The following DOCK3 variants were observed in gnomAD, a reference collection of about 807,000 sequenced individuals.
The protein encoded by DOCK3 is dedicator of cytokinesis protein 3.
A neutral mutation model predicts 265.6 loss-of-function variants in DOCK3; 60 were observed. That is an observed-to-expected ratio of 0.23 (90% CI 0.18 to 0.28). DOCK3 has a LOEUF of 0.28. Ranked by LOEUF, DOCK3 falls within the 10% of genes least tolerant of loss-of-function variation. DOCK3 has a pLI of 1.00. For synonymous variants in DOCK3, 881 were observed against 938.0 expected (o/e 0.94, Z 1.11); for missense variants, 1,981 against 2,594.3 (o/e 0.76, Z 5.14).
chr3:50,818,579 C>T (rs754677680), intron 2 of DOCK3, among the ~76,000 whole-genome samples: 1 of 152,082 alleles, frequency 6.6e-6, no homozygotes, highest in African/African-American at 2.4e-5. Flanking sequence ...TATATGAAGA[C>T]ATATTTATAT....
intron 3 of DOCK3, among the ~76,000 whole-genome samples, chr3:50,879,706 A>G (rs936511953): frequency 6.6e-6 from 1 of 152,202 alleles, no homozygotes; most frequent in Non-Finnish European, 1.5e-5. Flanking sequence ...CCCACTGTCA[A>G]CATTAGACAG....
chr3:51,106,420 CT>C (rs1447869163), intron 9 of DOCK3, among the ~76,000 whole-genome samples: 1 of 152,232 alleles, frequency 6.6e-6, no homozygotes, highest in East Asian at 1.9e-4. Context: ...GCCACTTTGC[CT>C]GCACACACGT....
At chr3:51,109,350 G>A (rs4927982) in intron 9 of DOCK3, among the ~76,000 whole-genome samples, 137,182 of 152,214 alleles carry the variant, frequency 0.9, 62,007 homozygotes, top group African/African-American at 0.95. Flanking sequence ...AACATATGAG[G>A]ATCTCTGGAA....
At chr3:51,203,237 T>G (rs2088934130) in intron 12 of DOCK3, among the ~76,000 whole-genome samples, 1 of 152,158 alleles carries the variant, frequency 6.6e-6, no homozygotes, top group South Asian at 2.1e-4. Context: ...TGTCCCTGTT[T>G]GCAGATGACA....
At chr3:51,244,360 CTA>C (rs1448019150) in intron 21 of DOCK3, among the ~76,000 whole-genome samples, 1 of 152,042 alleles carries the variant, frequency 6.6e-6, no homozygotes, top group African/African-American at 2.4e-5. Flanking sequence ...CCATTTATTG[CTA>C]TCTTTTATTT....
Position 50,783,594 on chromosome 3 carries a change from A to C in DOCK3, c.121+4836A>C, listed in dbSNP as rs556915469. Among the ~76,000 whole-genome samples, 6 of 151,972 alleles carry C rather than the reference A, an allele frequency of 3.9e-5. No individual in the cohort carries two copies. In the East Asian group the frequency reaches 1.2e-3, roughly 29 times the overall value. The stretch of plus-strand genomic sequence containing the variant: ...TGTTTCACTTCCTTGTAGATTCTGG[A>C]TATTAGTCCTTCGTTAGATGCATAG... On this transcript the variant is annotated intron_variant, in intron 2 of 52. Transcript: ENST00000266037.
intron 35 of DOCK3, 97 bp from the exon 36 acceptor site, chr3:51,338,262 G>A: frequency 4.4e-6 from 6 of 1,363,864 alleles, no homozygotes; most frequent in Non-Finnish European, 6.1e-6. Flanking sequence ...CTCAATCTGG[G>A]ATTTGGTCAT....
chr3:51,361,718 TG>T lies in DOCK3; in HGVS notation c.5007-138del. ...GCTCAGGACTGCTCCAGGCCTCAGA[TG>T]GGTATGAGCATTGACTATGGAACCC... On this transcript the variant is annotated intron_variant, in intron 47 of 52. Coordinates refer to ENST00000266037, the MANE Select transcript of DOCK3 (RefSeq NM_004947.5). This position sits in a 1 kb window ranked among gnomAD's most constrained non-coding sequence, Gnocchi z 4.2. 1 of 1,140,864 alleles carries T rather than the reference TG, an allele frequency of 8.8e-7. No homozygotes were observed. The highest frequency in any genetic ancestry group is 1.2e-6 in the Non-Finnish European group (1 of 820,114). 70.7% of individuals were successfully genotyped at this position (1,140,864 alleles called of 1,614,324 possible).
At chr3:51,145,445 G>T (rs181291716) in intron 9 of DOCK3, among the ~76,000 whole-genome samples, 1 of 152,078 alleles carries the variant, frequency 6.6e-6, no homozygotes, top group African/African-American at 2.4e-5. Context: ...TGTTCTCATT[G>T]TTCTATTCCC....
chr3:51,274,025 T>G (rs2080667579), intron 24 of DOCK3, among the ~76,000 whole-genome samples: 1 of 152,240 alleles, frequency 6.6e-6, no homozygotes, highest in Admixed American at 6.5e-5. Flanking sequence ...TCAACTTGCC[T>G]GAGGTCTCAG....
At chr3:51,111,907 A>G (rs2083537334) in intron 9 of DOCK3, among the ~76,000 whole-genome samples, 1 of 152,212 alleles carries the variant, frequency 6.6e-6, no homozygotes, top group Admixed American at 6.5e-5. Flanking sequence ...ATGTACAGTC[A>G]CTTTTCAAAA....
chr3:51,241,762 C>T (rs894866774), intron 21 of DOCK3, among the ~76,000 whole-genome samples: 1 of 152,202 alleles, frequency 6.6e-6, no homozygotes, highest in Non-Finnish European at 1.5e-5. Flanking sequence ...GAGTGTTTTT[C>T]AGCTCTGTCA....
At chr3:50,771,681 C>T (rs958243215) in intron 1 of DOCK3, among the ~76,000 whole-genome samples, 1 of 152,126 alleles carries the variant, frequency 6.6e-6, no homozygotes, top group Non-Finnish European at 1.5e-5. Flanking sequence ...GAAACACCAT[C>T]TCTACTAAAA....
At chr3:51,022,545 A>G (rs2079636583) in intron 5 of DOCK3, among the ~76,000 whole-genome samples, 1 of 152,154 alleles carries the variant, frequency 6.6e-6, no homozygotes, top group African/African-American at 2.4e-5. Context: ...GCTAATGTGT[A>G]TGTTACCAGC....
intron 4 of DOCK3, among the ~76,000 whole-genome samples, chr3:50,908,210 T>C (rs994790422): frequency 5.5e-5 from 8 of 146,462 alleles, no homozygotes; most frequent in East Asian, 2.0e-4. Flanking sequence ...TTTTTTTTTT[T>C]CATCTCAATT....
intron 2 of DOCK3, chr3:50,786,542 C>T (rs1576431142): frequency 1.1e-5 from 5 of 455,032 alleles, no homozygotes; most frequent in East Asian, 5.0e-5. Flanking sequence ...CTGGAGAACA[C>T]GCTTAAGGAG....
intron 17 of DOCK3, 30 bp from the exon 18 acceptor site, chr3:51,228,631 G>A: frequency 1.2e-6 from 2 of 1,601,818 alleles, no homozygotes; most frequent in Non-Finnish European, 1.7e-6. Context: ...ATGGCTCAGG[G>A]GACATTTTTT....
At chr3:51,258,511 CT>C (rs1047662310) in intron 22 of DOCK3, among the ~76,000 whole-genome samples, 3 of 151,430 alleles carry the variant, frequency 2.0e-5, no homozygotes, top group Admixed American at 6.6e-5. Flanking sequence ...TCCTGGCTTT[CT>C]TTTTTTTTGG....
chr3:50,713,035 A>G (rs1056468981), intron 1 of DOCK3, among the ~76,000 whole-genome samples: 19 of 152,196 alleles, frequency 1.2e-4, no homozygotes, highest in African/African-American at 3.1e-4. Flanking sequence ...GATGTCCTGG[A>G]TGGAGCATCA....
Sources: allele counts gnomAD v4.1 joint callset (sites outside exome capture counted in the v4.1 genomes callset), GRCh38; gene constraint gnomAD v4.1.1; non-coding constraint Gnocchi (gnomAD v3.1); transcripts MANE v1.5; gene names NCBI Gene and HGNC (gene_info 2026-07-23, HGNC 2026-07-21).